The following PPIP5K2 variants were observed in gnomAD, a reference collection of about 807,000 sequenced individuals.
PPIP5K2 encodes inositol hexakisphosphate and diphosphoinositol-pentakisphosphate kinase 2.
Under a neutral mutation model 154.6 loss-of-function variants are expected in PPIP5K2, and 105 were observed. The observed-to-expected ratio is 0.68, with a 90% CI of 0.58 to 0.80. PPIP5K2 has a LOEUF of 0.80. Ranked by LOEUF, PPIP5K2 falls within the 30% of genes least tolerant of loss-of-function variation. PPIP5K2 has a pLI of 0.00. For synonymous variants in PPIP5K2, 480 were observed against 490.3 expected (o/e 0.98, Z 0.28); for missense variants, 992 against 1,504.6 (o/e 0.66, Z 5.64).
intron 16 of PPIP5K2, 24 bp downstream of exon 16, chr5:103,158,597 T>G: frequency 6.5e-7 from 1 of 1,536,186 alleles, no homozygotes; most frequent in Non-Finnish European, 8.7e-7. Flanking sequence ...TTTTTTAGAA[T>G]TATTAGAGTT....
intron 27 of PPIP5K2, among the ~76,000 whole-genome samples, 186 bp downstream of exon 27, chr5:103,186,625 T>C (rs1303378026): frequency 6.6e-6 from 1 of 152,312 alleles, no homozygotes; most frequent in African/African-American, 2.4e-5. Flanking sequence ...AGACAGTTAA[T>C]TGTAGTTAGA....
rs1580534411 is a variant in PPIP5K2 at position 103,207,409 on chromosome 5, C to A, written c.*5775C>A. 1 of 152,072 alleles carries A rather than the reference C, an allele frequency of 6.6e-6. No homozygotes were observed. Among genetic ancestry groups the A allele is most frequent in the Non-Finnish European group, 1.5e-5 (1 of 68,036 alleles). The allele number at this position is 152,072 out of a possible 1,614,324, so 9.4% of individuals were successfully genotyped here. ...TTCTGTGGAAAAGAAGGATATATGACCAAAATCATCATTTTGGATAGTGAG... is the reference window on the plus strand; with the variant it reads ...TTCTGTGGAAAAGAAGGATATATGAACAAAATCATCATTTTGGATAGTGAG... On this transcript the variant is annotated 3_prime_UTR_variant, in exon 31 of 31. Transcript: ENST00000358359.
At chr5:103,176,929 A>G in intron 21 of PPIP5K2, 2 of 1,440,340 alleles carry the variant, frequency 1.4e-6, no homozygotes, top group Non-Finnish European at 1.9e-6. Flanking sequence ...AATAGAATTT[A>G]CATATGCCTC....
intron 30 of PPIP5K2, among the ~76,000 whole-genome samples, chr5:103,200,309 C>T (rs1361621906): frequency 6.6e-6 from 1 of 152,004 alleles, no homozygotes; most frequent in East Asian, 1.9e-4. Flanking sequence ...TGCTGCAATA[C>T]TTGTCTTCTG....
chr5:103,205,986 ATAGAT>A lies in PPIP5K2; in HGVS notation c.*4356_*4360del, dbSNP rs1165899560. 7.9e-5 allele frequency: 12 copies of A among 152,076 alleles called. No homozygotes were observed. The highest frequency in any genetic ancestry group is 2.9e-4 in the African/African-American group (12 of 41,410). 9.4% of individuals were successfully genotyped at this position (152,076 alleles called of 1,614,324 possible). On this transcript the variant is annotated 3_prime_UTR_variant, in exon 31 of 31. Coordinates refer to ENST00000358359, the MANE Select transcript of PPIP5K2 (RefSeq NM_001276277.3). ...TCAATTTTAAGATCCCTTTTACTTA[ATAGAT>A]TAGTGTAGTCTGTTTTATGTAATGT...
chr5:103,137,805 A>G (rs1482287609), intron 4 of PPIP5K2, among the ~76,000 whole-genome samples: 7 of 152,186 alleles, frequency 4.6e-5, no homozygotes, highest in Admixed American at 1.3e-4. Flanking sequence ...CTACATTTAC[A>G]TATTAATTCA....
chr5:103,174,794 G>A (rs1554220494), intron 21 of PPIP5K2, among the ~76,000 whole-genome samples: 1 of 152,120 alleles, frequency 6.6e-6, no homozygotes, highest in East Asian at 1.9e-4. Flanking sequence ...CAGATGGGCT[G>A]AGTGTCCCTG....
chr5:103,187,175 T>C (rs1554225425), intron 27 of PPIP5K2, 139 bp from the exon 28 acceptor site: 3 of 570,110 alleles, frequency 5.3e-6, no homozygotes, highest in Non-Finnish European at 9.1e-6. Flanking sequence ...AACCAATATT[T>C]ACCTTATTAC....
chr5:103,177,304 C>G (rs993471119), intron 21 of PPIP5K2, among the ~76,000 whole-genome samples: 2 of 151,900 alleles, frequency 1.3e-5, no homozygotes, highest in Non-Finnish European at 2.9e-5. Flanking sequence ...TTTTGGAATA[C>G]TTGCATTATA....
intron 30 of PPIP5K2, among the ~76,000 whole-genome samples, chr5:103,198,389 A>G (rs370765888): frequency 6.6e-6 from 1 of 151,758 alleles, no homozygotes; most frequent in African/African-American, 2.4e-5. Flanking sequence ...ATCATTATGC[A>G]TGAGGTGAAG....
rs182497311 is a variant in PPIP5K2, at chr5:103,140,645, C to T, written c.487+2176C>T. Among the ~76,000 whole-genome samples, 151 of 151,368 alleles carry T rather than the reference C, an allele frequency of 1.0e-3. 1 individual carries two copies. The highest frequency in any genetic ancestry group is 3.2e-3 in the African/African-American group (130 of 41,250). The stretch of plus-strand genomic sequence containing the variant: ...CGGGCGGATCACGAGGTCAGGAGAT[C>T]GAGACCACGGTGAAACCCCGTCTCT... On this transcript the variant is annotated intron_variant, in intron 5 of 30. Coordinates refer to ENST00000358359, the MANE Select transcript of PPIP5K2 (RefSeq NM_001276277.3).
rs1794790541 is a variant in PPIP5K2 at position 103,152,567 on chromosome 5, T to C, written c.1029-81T>C. 7 of 793,288 alleles carry C rather than the reference T, an allele frequency of 8.8e-6. No homozygotes were observed. The East Asian group carries it at 1.8e-4, about 21-fold the overall frequency. 49.1% of individuals were successfully genotyped at this position (793,288 alleles called of 1,614,324 possible). On this transcript the variant is annotated intron_variant, in intron 9 of 30. Coordinates refer to ENST00000358359, the MANE Select transcript of PPIP5K2 (RefSeq NM_001276277.3). The stretch of plus-strand genomic sequence containing the variant: ...TAATCACTAGATAGTTTAACTCTTA[T>C]GATTCTCTCTCATCCTCATTAAGTA...
intron 2 of PPIP5K2, among the ~76,000 whole-genome samples, chr5:103,130,216 G>A (rs880003328): frequency 1.3e-5 from 2 of 152,112 alleles, no homozygotes; most frequent in Non-Finnish European, 1.5e-5. Flanking sequence ...ATGTGTTTGT[G>A]TGTGTGTCTA....
intron 6 of PPIP5K2, 48 bp downstream of exon 6, chr5:103,146,729 C>T (rs372243397): frequency 1.6e-5 from 24 of 1,456,558 alleles, no homozygotes; most frequent in Admixed American, 8.4e-5. Context: ...TGTACATTGT[C>T]GTGTATTATT....
At chr5:103,162,086 T>C (rs564605378) in intron 17 of PPIP5K2, among the ~76,000 whole-genome samples, 31 of 152,194 alleles carry the variant, frequency 2.0e-4, no homozygotes, top group Non-Finnish European at 3.5e-4. Flanking sequence ...TCTCCATTCT[T>C]GGGATTCTCA....
At position 103,184,738 on chromosome 5, in the gene PPIP5K2, A is replaced by T. The variant is rs537744812; in HGVS notation, c.3163A>T (p.Thr1055Ser). Residue 1055 changes from threonine to serine, a missense_variant, in exon 26 of 31, where the codon ACT becomes TCT. Coordinates refer to ENST00000358359, the MANE Select transcript of PPIP5K2 (RefSeq NM_001276277.3). ...RTLVEQKQNP[T>S]VGSHCAGLFS... Reference sequence around the variant, plus strand: ...TCTTGTGGAACAGAAGCAGAATCCTACTGTAGGTATGTGGTGTAAAGGAAA... The same window carrying T: ...TCTTGTGGAACAGAAGCAGAATCCTTCTGTAGGTATGTGGTGTAAAGGAAA... 8.7e-6 allele frequency: 14 copies of T among 1,610,728 alleles called. 1 individual carries two copies. The African/African-American group carries it at 1.2e-4, about 14-fold the overall frequency.
At chr5:103,191,573 C>G (rs1280433248) in intron 29 of PPIP5K2, among the ~76,000 whole-genome samples, 3 of 152,060 alleles carry the variant, frequency 2.0e-5, no homozygotes, top group Non-Finnish European at 4.4e-5. Context: ...GCTACATTAG[C>G]ATATAAAAGG....
At chr5:103,186,605 A>C (rs1407712608) in intron 27 of PPIP5K2, among the ~76,000 whole-genome samples, 166 bp downstream of exon 27, 1 of 152,168 alleles carries the variant, frequency 6.6e-6, no homozygotes, top group Non-Finnish European at 1.5e-5. Context: ...ACTTGGATCC[A>C]TGTTTCATCA....
intron 5 of PPIP5K2, among the ~76,000 whole-genome samples, chr5:103,145,756 G>A (rs1425687395): frequency 1.3e-5 from 2 of 149,670 alleles, no homozygotes; most frequent in Admixed American, 1.3e-4. Context: ...GGGATGAAGT[G>A]AGGATAGTTA....
Sources: gnomAD v4.1 joint callset for allele counts (sites outside exome capture counted in the v4.1 genomes callset) on GRCh38, gnomAD v4.1.1 for gene constraint, MANE v1.5 for transcripts, NCBI Gene and HGNC (gene_info 2026-07-23, HGNC 2026-07-21) for gene names.